The following CNOT10 variants were observed in gnomAD, a reference collection of about 807,000 sequenced individuals.
The protein encoded by CNOT10 is CCR4-NOT transcription complex, subunit 10.
Under a neutral mutation model 94.6 loss-of-function variants are expected in CNOT10, and 30 were observed. The ratio of observed to expected loss-of-function variants is 0.32; its 90% CI spans 0.24 to 0.43. The LOEUF (loss-of-function observed/expected upper bound fraction) is 0.43, where lower values mean the gene tolerates loss of function less well. CNOT10 is among the 20% of genes least tolerant of loss of function. CNOT10 has a pLI of 1.00. For missense variants in CNOT10, 759 were observed against 877.2 expected, an observed-to-expected ratio of 0.87 and a Z score of 1.70; for synonymous variants, 289 against 301.6, an observed-to-expected ratio of 0.96 and a Z score of 0.43.
intron 13 of CNOT10, among the ~76,000 whole-genome samples, chr3:32,738,370 C>T (rs1699287563): frequency 6.6e-6 from 1 of 152,044 alleles, no homozygotes; most frequent in Non-Finnish European, 1.5e-5. Context: ...ATAGAATGCA[C>T]CAGTGAAACC....
chr3:32,742,605 C>T (rs533176589), intron 13 of CNOT10, among the ~76,000 whole-genome samples: 14 of 152,284 alleles, frequency 9.2e-5, no homozygotes, highest in Middle Eastern at 3.4e-3. Flanking sequence ...CGGTCTCAAA[C>T]TCCTGAGCTC....
intron 10 of CNOT10, among the ~76,000 whole-genome samples, chr3:32,732,094 T>G (rs1328027583): frequency 6.6e-6 from 1 of 151,056 alleles, no homozygotes; most frequent in Non-Finnish European, 1.5e-5. Context: ...AATAAATAAA[T>G]AAAAGATTTT....
intron 10 of CNOT10, 89 bp downstream of exon 10, chr3:32,727,959 C>G (rs1698756881): frequency 1.2e-6 from 1 of 847,042 alleles, no homozygotes; most frequent in Non-Finnish European, 1.8e-6. Flanking sequence ...ACCTTGGAAA[C>G]ATACATAAGA....
chr3:32,689,814 G>T (rs1017892967), intron 1 of CNOT10, among the ~76,000 whole-genome samples: 1 of 152,116 alleles, frequency 6.6e-6, no homozygotes, highest in East Asian at 1.9e-4. Context: ...AATTAGCTAG[G>T]CATGGTGGCG....
At chr3:32,719,078 A>C (rs1698255012) in intron 7 of CNOT10, among the ~76,000 whole-genome samples, 1 of 152,050 alleles carries the variant, frequency 6.6e-6, no homozygotes, top group Non-Finnish European at 1.5e-5. Flanking sequence ...GTGAAACCCC[A>C]TCTCTACTAA....
intron 13 of CNOT10, among the ~76,000 whole-genome samples, chr3:32,751,993 G>T (rs1258208865): frequency 2.0e-5 from 3 of 152,122 alleles, no homozygotes; most frequent in African/African-American, 7.2e-5. Context: ...ACAAACCAGG[G>T]TTAAAATAAT....
chr3:32,688,901 T>C (rs1696735740), intron 1 of CNOT10, among the ~76,000 whole-genome samples: 1 of 151,636 alleles, frequency 6.6e-6, no homozygotes, highest in African/African-American at 2.4e-5. Context: ...GATGAGACCC[T>C]CTCTCAAAAA....
chr3:32,747,500 G>A (rs1320053386), intron 13 of CNOT10, among the ~76,000 whole-genome samples: 1 of 151,588 alleles, frequency 6.6e-6, no homozygotes, highest in Non-Finnish European at 1.5e-5. Flanking sequence ...AAACGTGTCT[G>A]TTAGAAAAAT....
At chr3:32,768,707 C>T (rs1170103338) in intron 17 of CNOT10, among the ~76,000 whole-genome samples, 2 of 152,132 alleles carry the variant, frequency 1.3e-5, no homozygotes, top group African/African-American at 4.8e-5. Flanking sequence ...AGTGTTGTGG[C>T]GAGAGGAATA....
chr3:32,702,166 G>T (rs1162997258), intron 1 of CNOT10, among the ~76,000 whole-genome samples: 1 of 149,370 alleles, frequency 6.7e-6, no homozygotes, highest in South Asian at 2.2e-4. Flanking sequence ...CGTGATCTCA[G>T]CTCACTGCAA....
intron 7 of CNOT10, among the ~76,000 whole-genome samples, chr3:32,718,752 C>T (rs1270211862): frequency 6.6e-6 from 1 of 151,988 alleles, no homozygotes; most frequent in African/African-American, 2.4e-5. Context: ...GTGACCAGAA[C>T]TTTGGGGTGG....
chr3:32,713,366 T>C lies in CNOT10; in HGVS notation c.570T>C (p.Asn190=), dbSNP rs1697970999. The change falls in exon 5 of 19, where the codon AAT becomes AAC. Residue 190 remains asparagine, a synonymous_variant. Transcript: ENST00000328834. ...SQGNNNKNGK[N]ETGNNNNKDG... ...GTAACAATAACAAAAATGGAAAGAA[T>C]GAGGTGAGTCTTTAGAGGTGATCAG... The C allele has an allele frequency of 6.3e-7, 1 of 1,594,292 alleles. No individual in the cohort carries two copies. The highest frequency in any genetic ancestry group is 8.5e-7 in the Non-Finnish European group (1 of 1,175,020).
chr3:32,754,884 C>T (rs1406657781), intron 13 of CNOT10, among the ~76,000 whole-genome samples: 1 of 149,214 alleles, frequency 6.7e-6, no homozygotes, highest in Non-Finnish European at 1.5e-5. Flanking sequence ...GCCCTGTTCT[C>T]CAAGGACCAT....
chr3:32,723,376 AGT>A (rs1278140071), intron 8 of CNOT10, among the ~76,000 whole-genome samples: 1 of 151,312 alleles, frequency 6.6e-6, no homozygotes, highest in African/African-American at 2.4e-5. Context: ...TGGGCGACAG[AGT>A]GAGACTCCGT....
chr3:32,705,067 G>T, intron 3 of CNOT10, 95 bp downstream of exon 3: 3 of 831,296 alleles, frequency 3.6e-6, no homozygotes, highest in Non-Finnish European at 5.4e-6. Context: ...GATTTGTCTG[G>T]TATTTCTTGT....
intron 18 of CNOT10, among the ~76,000 whole-genome samples, chr3:32,770,417 C>T (rs1401313324): frequency 6.7e-6 from 1 of 148,942 alleles, no homozygotes; most frequent in Non-Finnish European, 1.5e-5. Context: ...GTTCCGCCTC[C>T]CGGGTTCATG....
intron 1 of CNOT10, among the ~76,000 whole-genome samples, chr3:32,697,494 A>G (rs914359391): frequency 6.6e-6 from 1 of 150,904 alleles, no homozygotes; most frequent in Admixed American, 6.6e-5. Flanking sequence ...TTTTTGAGAC[A>G]GGGTTTCACT....
chr3:32,704,716 T>G (rs1697531957), intron 2 of CNOT10, 95 bp from the exon 3 acceptor site: 35 of 1,358,856 alleles, frequency 2.6e-5, no homozygotes, highest in South Asian at 5.7e-5. Context: ...TAAGAACTTT[T>G]AAGATAAAGA....
chr3:32,730,015 G>T (rs1295995987), intron 10 of CNOT10, among the ~76,000 whole-genome samples: 4 of 151,708 alleles, frequency 2.6e-5, no homozygotes, highest in African/African-American at 9.7e-5. Flanking sequence ...TGATCCGCCC[G>T]CCTCGGCCTC....
Sources: allele counts gnomAD v4.1 joint callset (sites outside exome capture counted in the v4.1 genomes callset), GRCh38; gene constraint gnomAD v4.1.1; transcripts MANE v1.5; gene names NCBI Gene and HGNC (gene_info 2026-07-23, HGNC 2026-07-21).